Variants in SCUBE2 observed in about 807,000 individuals in gnomAD.
SCUBE2 encodes signal peptide, CUB domain and EGF like domain containing 2.
In SCUBE2, 114 loss-of-function variants were observed where a neutral mutation model predicts 125.9. The observed-to-expected ratio is 0.91, with a 90% CI of 0.78 to 1.06. The LOEUF (loss-of-function observed/expected upper bound fraction) is 1.06. Ranked by LOEUF, SCUBE2 falls within the 50% of genes least tolerant of loss-of-function variation. SCUBE2 has a pLI of 0.00. For synonymous variants in SCUBE2, 459 were observed against 492.9 expected (o/e 0.93, Z 0.91); for missense variants, 1,255 against 1,301.8 (o/e 0.96, Z 0.55).
intron 3 of SCUBE2, 130 bp downstream of exon 3, chr11:9,079,254 T>A: frequency 1.1e-6 from 1 of 920,810 alleles, no homozygotes; most frequent in Non-Finnish European, 1.6e-6. Flanking sequence ...TATCACGGAG[T>A]CTGACTTCCA....
At chr11:9,089,857 T>C in intron 1 of SCUBE2, 28 bp from the exon 2 acceptor site, 8 of 1,610,604 alleles carry the variant, frequency 5.0e-6, no homozygotes, top group Non-Finnish European at 6.8e-6. Context: ...TGACACCTGG[T>C]ACAGGCTCCC....
intron 7 of SCUBE2, chr11:9,065,050 A>C (rs1216675005): frequency 6.6e-6 from 1 of 152,080 alleles, no homozygotes; most frequent in East Asian, 1.9e-4. Flanking sequence ...CAGTGGACAC[A>C]AAAAAAGACT....
Position 9,021,011 on chromosome 11 carries a change from C to G in SCUBE2, c.*34G>C. 1 of 1,596,176 alleles carries G rather than the reference C, an allele frequency of 6.3e-7. No individual in the cohort carries two copies. The highest frequency in any genetic ancestry group is 1.1e-5 in the South Asian group (1 of 87,256). Reference sequence around the variant, plus strand: ...CAGCTCTGTCCCACCAACCCTATAGCAGAACATTTGTATTGAGTGGCACGT... The same window carrying G: ...CAGCTCTGTCCCACCAACCCTATAGGAGAACATTTGTATTGAGTGGCACGT... On this transcript the variant is annotated 3_prime_UTR_variant, in exon 23 of 23. Coordinates refer to ENST00000649792, the MANE Select transcript of SCUBE2 (RefSeq NM_001367977.2).
Position 9,053,621 on chromosome 11 carries a change from C to T in SCUBE2, c.1330+16G>A, listed in dbSNP as rs920230669. 3.1e-6 allele frequency: 5 copies of T among 1,612,868 alleles called. No individual in the cohort carries two copies. In the Admixed American group the frequency reaches 8.3e-5, roughly 27 times the overall value. On this transcript the variant is annotated intron_variant, in intron 11 of 22. Transcript: ENST00000649792. ...GGCCAGCCTGCTGTCTGAGTCTGTG[C>T]CTCGGTTCCCCTTACCCACACAGTC...
At chr11:9,078,011 A>G (rs1800927152) in intron 3 of SCUBE2, among the ~76,000 whole-genome samples, 1 of 152,236 alleles carries the variant, frequency 6.6e-6, no homozygotes, top group African/African-American at 2.4e-5. Context: ...CACAACAGTA[A>G]TGATGAAGTC....
intron 16 of SCUBE2, among the ~76,000 whole-genome samples, chr11:9,042,740 C>T (rs1417416355): frequency 6.6e-6 from 1 of 152,204 alleles, no homozygotes; most frequent in Non-Finnish European, 1.5e-5. Context: ...GTATGGGAAG[C>T]AAGTGCCAGG....
At chr11:9,079,759 A>G (rs1190148405) in intron 2 of SCUBE2, among the ~76,000 whole-genome samples, 2 of 152,050 alleles carry the variant, frequency 1.3e-5, no homozygotes, top group Non-Finnish European at 2.9e-5. Context: ...ATGGACTACT[A>G]TGCAGCTATT....
At chr11:9,039,964 G>A (rs905340150) in intron 16 of SCUBE2, among the ~76,000 whole-genome samples, 5 of 152,206 alleles carry the variant, frequency 3.3e-5, no homozygotes, top group Admixed American at 1.3e-4. Flanking sequence ...AAGAACACCC[G>A]ACTGAAGGGC....
rs1220521878 is a variant in SCUBE2, at chr11:9,020,982, A to AAGAC, written c.*59_*62dup. ...CCCGACTGTGCTGACATGCAGAAGG[A>AAGAC]AGACAGCTCTGTCCCACCAACCCTA... On this transcript the variant is annotated 3_prime_UTR_variant, in exon 23 of 23. Transcript: ENST00000649792. The AAGAC allele has an allele frequency of 4.0e-6, 6 of 1,489,584 alleles. No individual in the cohort carries two copies. In the African/African-American group the frequency reaches 8.4e-5, roughly 21 times the overall value. The allele number at this position is 1,489,584 out of a possible 1,614,324, so 92.3% of individuals were successfully genotyped here. A position where few individuals can be genotyped will look rare whatever the true frequency, so the allele number is the denominator to read the frequency against.
At chr11:9,040,051 C>T (rs1014948905) in intron 16 of SCUBE2, among the ~76,000 whole-genome samples, 3 of 152,100 alleles carry the variant, frequency 2.0e-5, no homozygotes, top group Non-Finnish European at 4.4e-5. Flanking sequence ...AGCAGCCACG[C>T]GCGTCCGCAC....
chr11:9,061,945 C>A (rs1379207715), intron 7 of SCUBE2, among the ~76,000 whole-genome samples: 2 of 152,256 alleles, frequency 1.3e-5, no homozygotes, highest in East Asian at 3.9e-4. Context: ...GAGTTAAGAA[C>A]AGGAAGATTA....
intron 8 of SCUBE2, 130 bp downstream of exon 8, chr11:9,060,278 A>C: frequency 1.5e-6 from 1 of 683,694 alleles, no homozygotes; most frequent in South Asian, 1.9e-5. Context: ...GCTCCCATTG[A>C]TATGAATCAT....
At chr11:9,046,504 C>G (rs557316581) in intron 16 of SCUBE2, among the ~76,000 whole-genome samples, 1 of 152,060 alleles carries the variant, frequency 6.6e-6, no homozygotes, top group African/African-American at 2.4e-5. Context: ...CTGGCCCGTC[C>G]GTGAGGCCTA....
At chr11:9,052,264 A>T (rs1391730981) in intron 13 of SCUBE2, among the ~76,000 whole-genome samples, 3 of 152,288 alleles carry the variant, frequency 2.0e-5, no homozygotes, top group Non-Finnish European at 4.4e-5. Context: ...TTCCAATGAC[A>T]TAATGACAAA....
At chr11:9,075,837 C>T (rs966032693) in intron 3 of SCUBE2, among the ~76,000 whole-genome samples, 1 of 152,176 alleles carries the variant, frequency 6.6e-6, no homozygotes, top group Non-Finnish European at 1.5e-5. Context: ...GGACAAGGTG[C>T]CTGCAGGGCT....
intron 3 of SCUBE2, among the ~76,000 whole-genome samples, chr11:9,075,728 C>T (rs1018842328): frequency 3.9e-5 from 6 of 152,260 alleles, no homozygotes; most frequent in Non-Finnish European, 8.8e-5. Context: ...GGGAGTCCAG[C>T]TTCACACATG....
chr11:9,038,870 TTTTTCTTTTC>T (rs145817950), intron 16 of SCUBE2, among the ~76,000 whole-genome samples: 10,862 of 151,236 alleles, frequency 0.072, 468 homozygotes, highest in South Asian at 0.13. Context: ...CTGATTTATG[TTTTTCTTTTC>T]TTTTCTTTTC....
At chr11:9,090,032 C>T (rs1317782586) in intron 1 of SCUBE2, among the ~76,000 whole-genome samples, 1 of 152,090 alleles carries the variant, frequency 6.6e-6, no homozygotes, top group Non-Finnish European at 1.5e-5. Flanking sequence ...GAAATTACCC[C>T]CACCATCACC....
Position 9,091,409 on chromosome 11 carries a change from CGCGGCACGGCCCCGACCCG to C in SCUBE2, c.101_119del (p.Pro34ArgfsTer7). On this transcript the variant is annotated frameshift_variant, in exon 1 of 23. Coordinates refer to ENST00000649792, the MANE Select transcript of SCUBE2 (RefSeq NM_001367977.2). LOFTEE classifies it high-confidence loss of function. This position sits in a 1 kb window ranked among gnomAD's most constrained non-coding sequence, Gnocchi z 8.5. Reference sequence around the variant, plus strand: ...CCGGACACTCACCCTCCTGCGGCCCCGCGGCACGGCCCCGACCCGGCGGGACGGCCCCCGCCAGCAGCAG... The same window carrying C: ...CCGGACACTCACCCTCCTGCGGCCCCGCGGGACGGCCCCCGCCAGCAGCAG... The C allele has an allele frequency of 1.5e-6, 2 of 1,309,598 alleles. No individual in the cohort carries two copies. The highest frequency in any genetic ancestry group is 2.2e-5 in the South Asian group (1 of 45,528). 81.1% of individuals were successfully genotyped at this position (1,309,598 alleles called of 1,614,324 possible).
Sources: allele counts gnomAD v4.1 joint callset (sites outside exome capture counted in the v4.1 genomes callset), GRCh38; gene constraint gnomAD v4.1.1; non-coding constraint Gnocchi (gnomAD v3.1); transcripts MANE v1.5; gene names NCBI Gene and HGNC (gene_info 2026-07-23, HGNC 2026-07-21).